The following PTGER4 variants were observed in gnomAD, a reference collection of about 807,000 sequenced individuals.
PTGER4 encodes the protein prostaglandin E2 receptor EP4 subtype.
Under a neutral mutation model 33.2 loss-of-function variants are expected in PTGER4, and 11 were observed. The observed-to-expected ratio is 0.33, with a 90% confidence interval of 0.21 to 0.55. PTGER4 has a LOEUF of 0.55. Among genes scored for constraint, PTGER4 ranks in the 20% least tolerant of loss-of-function variants. PTGER4 has a pLI of 0.92. For missense variants in PTGER4, 481 were observed against 650.2 expected (o/e 0.74, Z 2.83); for synonymous variants, 275 against 281.5 (o/e 0.98, Z 0.23).
chr5:40,684,140 T>C (rs1427564595), intron 2 of PTGER4, among the ~76,000 whole-genome samples: 3 of 70,792 alleles, frequency 4.2e-5, no homozygotes, highest in African/African-American at 1.9e-4. Flanking sequence ...CCCCCCACAA[T>C]TCAGCAATTA....
the PTGER4 span, among the ~76,000 whole-genome samples, chr5:40,730,685 T>A: frequency 6.6e-6 from 1 of 152,180 alleles, no homozygotes; most frequent in East Asian, 1.9e-4. Flanking sequence ...TCAACAGTTT[T>A]TTGGACTACT....
At chr5:40,723,468 C>T in the PTGER4 span, among the ~76,000 whole-genome samples, 1 of 149,262 alleles carries the variant, frequency 6.7e-6, no homozygotes, top group African/African-American at 2.5e-5. Flanking sequence ...CAATTAAAAA[C>T]CTCAAAGCAT....
At position 40,683,178 on chromosome 5, in the gene PTGER4, G is replaced by T. The variant is rs1741240694; in HGVS notation, c.867+1318G>T. The stretch of plus-strand genomic sequence containing the variant: ...GAACAAGAGAATATAAAATGTAATG[G>T]GCTATTATTCCTTCCTTTTCCTTAT... On this transcript the variant is annotated intron_variant, in intron 2 of 2. Coordinates refer to ENST00000302472, the MANE Select transcript of PTGER4 (RefSeq NM_000958.3). This position sits in a 1 kb window ranked among gnomAD's most constrained non-coding sequence, Gnocchi z 4.2. 6.6e-6 allele frequency among the ~76,000 whole-genome samples: 1 copy of T among 152,116 alleles called. No individual in the cohort carries two copies. Among genetic ancestry groups the T allele is most frequent in the Admixed American group, 6.5e-5 (1 of 15,270 alleles).
the PTGER4 span, among the ~76,000 whole-genome samples, chr5:40,711,085 G>GTATA: frequency 2.7e-5 from 4 of 150,234 alleles, no homozygotes; most frequent in East Asian, 3.9e-4. Context: ...ATAAAAATAT[G>GTATA]TATATATATA....
the PTGER4 span, among the ~76,000 whole-genome samples, chr5:40,727,539 A>G: frequency 6.6e-6 from 1 of 152,172 alleles, no homozygotes; most frequent in South Asian, 2.1e-4. Context: ...TTTCATTTGC[A>G]CACATTTCTA....
chr5:40,741,678 C>G, the PTGER4 span, among the ~76,000 whole-genome samples: 1 of 152,156 alleles, frequency 6.6e-6, no homozygotes, highest in Non-Finnish European at 1.5e-5. Context: ...TCCCTGGAGA[C>G]TACCTTCAGG....
chr5:40,745,747 A>G, the PTGER4 span, among the ~76,000 whole-genome samples: 1 of 151,068 alleles, frequency 6.6e-6, no homozygotes, highest in Admixed American at 6.6e-5. Flanking sequence ...TTATTTGTTT[A>G]TTTATTTGAC....
chr5:40,707,123 A>G, the PTGER4 span, among the ~76,000 whole-genome samples: 3 of 152,212 alleles, frequency 2.0e-5, no homozygotes, highest in Non-Finnish European at 2.9e-5. Context: ...AGCATCAACT[A>G]ACGAGCAAAA....
chr5:40,719,431 A>G, the PTGER4 span, among the ~76,000 whole-genome samples: 1 of 152,122 alleles, frequency 6.6e-6, no homozygotes, highest in Non-Finnish European at 1.5e-5. Flanking sequence ...GATATACCAC[A>G]TTTTGTTTAT....
chr5:40,681,004 C>G lies in PTGER4; in HGVS notation c.11C>G (p.Pro4Arg). 6.2e-7 allele frequency: 1 copy of G among 1,611,692 alleles called. No homozygotes were observed. Among genetic ancestry groups the G allele is most frequent in the Non-Finnish European group, 8.5e-7 (1 of 1,178,778 alleles). MST[P>R]GVNSSASLSP... Reference sequence around the variant, plus strand: ...CCGCCAGCCACTATCATGTCCACTCCCGGGGTCAATTCGTCCGCCTCCTTG... The same window carrying G: ...CCGCCAGCCACTATCATGTCCACTCGCGGGGTCAATTCGTCCGCCTCCTTG... The change falls in exon 2 of 3, where the codon CCC becomes CGC. Residue 4 changes from proline to arginine, a missense_variant. Transcript: ENST00000302472. The surrounding 1 kb of genome is among the most constrained non-coding windows in gnomAD (Gnocchi z 9.8).
chr5:40,681,997 CTG>C lies in PTGER4; in HGVS notation c.867+139_867+140del. The C allele has an allele frequency of 8.5e-7, 1 of 1,183,180 alleles. No individual in the cohort carries two copies. Among genetic ancestry groups the C allele is most frequent in the Non-Finnish European group, 1.1e-6 (1 of 882,696 alleles). 73.3% of individuals were successfully genotyped at this position (1,183,180 alleles called of 1,614,324 possible). On this transcript the variant is annotated intron_variant, in intron 2 of 2. Coordinates refer to ENST00000302472, the MANE Select transcript of PTGER4 (RefSeq NM_000958.3). The surrounding 1 kb of genome is among the most constrained non-coding windows in gnomAD (Gnocchi z 9.8). ...TTAGGTCGGGGCTGGGATTCCCACA[CTG>C]TTTCTCAGAGCAGGCCCAACCCTCT...
At chr5:40,711,975 A>G in the PTGER4 span, among the ~76,000 whole-genome samples, 5 of 152,262 alleles carry the variant, frequency 3.3e-5, no homozygotes, top group East Asian at 7.7e-4. Context: ...GACACACACT[A>G]TATCAGGATG....
chr5:40,686,951 C>A (rs1741338083), intron 2 of PTGER4, among the ~76,000 whole-genome samples: 1 of 152,112 alleles, frequency 6.6e-6, no homozygotes, highest in Non-Finnish European at 1.5e-5. Flanking sequence ...AACAACAAAC[C>A]ACATGTACAC....
the PTGER4 span, chr5:40,715,561 T>G: frequency 6.6e-6 from 1 of 152,322 alleles, no homozygotes. Context: ...AAATCAGAAT[T>G]AAGAGAAACT....
the PTGER4 span, among the ~76,000 whole-genome samples, chr5:40,710,580 T>C: frequency 6.6e-6 from 1 of 152,228 alleles, no homozygotes; most frequent in African/African-American, 2.4e-5. Flanking sequence ...TTACTGGGTA[T>C]ATAACCAAAG....
At chr5:40,708,734 G>T in the PTGER4 span, among the ~76,000 whole-genome samples, 1 of 152,158 alleles carries the variant, frequency 6.6e-6, no homozygotes, top group Non-Finnish European at 1.5e-5. Context: ...AACAAAAAAA[G>T]AGAATTTTAG....
chr5:40,697,208 G>GAA (rs1408151205), downstream of PTGER4, among the ~76,000 whole-genome samples: 1 of 121,078 alleles, frequency 8.3e-6, no homozygotes, highest in African/African-American at 3.2e-5. Flanking sequence ...AAGAAAGAAA[G>GAA]AAAGAAAAAG....
Position 40,692,079 on chromosome 5 carries a change from A to G in PTGER4, c.1168A>G (p.Ser390Gly). The G allele has an allele frequency of 6.2e-7, 1 of 1,614,216 alleles. No individual in the cohort carries two copies. Among genetic ancestry groups the G allele is most frequent in the Non-Finnish European group, 8.5e-7 (1 of 1,180,034 alleles). The change falls in exon 3 of 3, where the codon AGT (serine) becomes GGT (glycine). Residue 390 changes from serine (S) to glycine (G), a missense_variant. By Grantham distance (56) the Ser-to-Gly change is moderately conservative. Around this residue, in one of 7 missense-constraint regions of PTGER4, gnomAD observed 172 missense variants for 199.2 expected, o/e 0.86. Coordinates refer to ENST00000302472, the MANE Select transcript of PTGER4 (RefSeq NM_000958.3). ...CTCCCGGGAGCTGAAGGAGATCAGC[A>G]GTACATCTCAGACCCTCCTGCCAGA... is the stretch of plus-strand genomic sequence containing the variant. ...FISRELKEIS[S>G]TSQTLLPDLS...
the PTGER4 span, among the ~76,000 whole-genome samples, chr5:40,701,161 A>C: frequency 6.6e-6 from 1 of 152,374 alleles, no homozygotes; most frequent in Admixed American, 6.5e-5. Flanking sequence ...TTCTCCAACA[A>C]GAGTTCTTAA....
Sources: allele counts gnomAD v4.1 joint callset (sites outside exome capture counted in the v4.1 genomes callset), GRCh38; gene constraint gnomAD v4.1.1; regional missense constraint gnomAD v4.1.1; non-coding constraint Gnocchi (gnomAD v3.1); transcripts MANE v1.5; gene names NCBI Gene and HGNC (gene_info 2026-07-23, HGNC 2026-07-21).